The following AKAP6 variants were observed in gnomAD, a reference collection of about 807,000 sequenced individuals.
AKAP6 encodes A-kinase anchor protein 6.
In AKAP6, 58 loss-of-function variants were observed where a neutral mutation model predicts 188.5. The observed-to-expected ratio is 0.31, with a 90% confidence interval of 0.25 to 0.38. The LOEUF is 0.38. Among genes scored for constraint, AKAP6 ranks in the 10% least tolerant of loss-of-function variants. AKAP6 has a pLI of 1.00. For synonymous variants in AKAP6, 989 were observed against 998.6 expected (o/e 0.99, Z 0.18); for missense variants, 2,710 against 2,740.0 (o/e 0.99, Z 0.24).
intron 1 of AKAP6, among the ~76,000 whole-genome samples, chr14:32,409,830 C>T (rs1010747029): frequency 2.0e-5 from 3 of 152,060 alleles, no homozygotes; most frequent in African/African-American, 7.2e-5. Context: ...CAGGAGAGTC[C>T]ACTTGGTTTA....
At chr14:32,659,879 C>T (rs1291707173) in intron 7 of AKAP6, among the ~76,000 whole-genome samples, 1 of 152,052 alleles carries the variant, frequency 6.6e-6, no homozygotes, top group Non-Finnish European at 1.5e-5. Context: ...GATTTGTCTT[C>T]ATTCAGCTGT....
intron 12 of AKAP6, among the ~76,000 whole-genome samples, chr14:32,776,555 C>G (rs1217503002): frequency 2.0e-5 from 3 of 152,184 alleles, no homozygotes; most frequent in Non-Finnish European, 4.4e-5. Context: ...ACTGCTATAT[C>G]CCCCAGGGCC....
intron 1 of AKAP6, among the ~76,000 whole-genome samples, chr14:32,360,150 C>T (rs150158014): frequency 9.5e-4 from 143 of 150,306 alleles, no homozygotes; most frequent in African/African-American, 3.4e-3. Flanking sequence ...TTTTTCGAGA[C>T]AGGGGCTTGC....
chr14:32,620,645 T>C (rs1886780712), intron 7 of AKAP6, among the ~76,000 whole-genome samples: 1 of 152,018 alleles, frequency 6.6e-6, no homozygotes, highest in Admixed American at 6.6e-5. Context: ...TAAGTCCTTT[T>C]CTGGCTTTGG....
intron 12 of AKAP6, among the ~76,000 whole-genome samples, chr14:32,794,890 G>C (rs542324332): frequency 2.2e-4 from 33 of 152,012 alleles, no homozygotes; most frequent in African/African-American, 7.7e-4. Context: ...GAGACCACTA[G>C]CTAGACTAAT....
Position 32,546,106 on chromosome 14 carries a change from C to T in AKAP6, c.1453C>T (p.Leu485Phe). 6.2e-7 allele frequency: 1 copy of T among 1,614,158 alleles called. No homozygotes were observed. Among genetic ancestry groups the T allele is most frequent in the Non-Finnish European group, 8.5e-7 (1 of 1,180,022 alleles). ...IKEISSSLGRLNDCYKEKSRL... is the reference protein window; with the variant it reads ...IKEISSSLGRFNDCYKEKSRL... Reference sequence around the variant, plus strand: ...AGAAATTTCTTCCAGCCTGGGAAGGCTTAACGACTGCTATAAAGAGAAATC... The same window carrying T: ...AGAAATTTCTTCCAGCCTGGGAAGGTTTAACGACTGCTATAAAGAGAAATC... The change falls in exon 4 of 14, where the codon CTT becomes TTT. Residue 485 changes from leucine (L) to phenylalanine (F), a missense_variant. Coordinates refer to ENST00000280979, the MANE Select transcript of AKAP6 (RefSeq NM_004274.5).
chr14:32,640,536 G>A (rs971653965), intron 7 of AKAP6, among the ~76,000 whole-genome samples: 3 of 152,050 alleles, frequency 2.0e-5, no homozygotes, highest in African/African-American at 7.2e-5. Flanking sequence ...ATTGATAAAT[G>A]TCTATGTAAA....
chr14:32,426,136 G>A (rs1890024684), intron 1 of AKAP6, among the ~76,000 whole-genome samples: 1 of 152,154 alleles, frequency 6.6e-6, no homozygotes, highest in African/African-American at 2.4e-5. Context: ...CATCTGAAAT[G>A]TTACCTTCTC....
intron 8 of AKAP6, among the ~76,000 whole-genome samples, chr14:32,695,016 A>T (rs1410311627): frequency 1.3e-5 from 2 of 152,176 alleles, no homozygotes; most frequent in East Asian, 3.9e-4. Context: ...TTCATTCTGT[A>T]CTTTCATTTT....
Position 32,361,088 on chromosome 14 carries a change from G to A in AKAP6, c.-35+31680G>A, listed in dbSNP as rs910947791. Among the ~76,000 whole-genome samples, 17 of 133,404 alleles carry A rather than the reference G, an allele frequency of 1.3e-4. 1 individual carries two copies. The South Asian group carries it at 1.3e-3, about 10-fold the overall frequency. The allele number at this position is 133,404 out of a possible 152,430, so 87.5% of individuals were successfully genotyped here. On this transcript the variant is annotated intron_variant, in intron 1 of 13. Transcript: ENST00000280979. Reference sequence around the variant, plus strand: ...TATATATATTTGAGAAGCTTTGGAGGGTCATCTTAGATTGGACAGGTGGAA... The same window carrying A: ...TATATATATTTGAGAAGCTTTGGAGAGTCATCTTAGATTGGACAGGTGGAA...
In AKAP6 at chr14:32,822,394, G is replaced by A; in HGVS notation, c.4581G>A (p.Arg1527=). The A allele has an allele frequency of 1.2e-6, 2 of 1,613,932 alleles. No homozygotes were observed. Among genetic ancestry groups the A allele is most frequent in the Non-Finnish European group, 1.7e-6 (2 of 1,179,930 alleles). The part of the protein sequence containing the change: ...ELQPDVPPHE[R]ILASASHEMD... ...AACCAGATGTACCTCCCCATGAAAG[G>A]ATTTTGGCAAGTGCATCTCATGAAA... The change falls in exon 13 of 14, where the codon AGG becomes AGA. Residue 1527 remains arginine (R), a synonymous_variant. Transcript: ENST00000280979.
chr14:32,428,879 T>A (rs75592630), intron 1 of AKAP6, among the ~76,000 whole-genome samples: 5,076 of 152,096 alleles, frequency 0.033, 135 homozygotes, highest in Non-Finnish European at 0.048. Flanking sequence ...TTTTATAATT[T>A]AAAAAAAAGC....
chr14:32,765,708 T>TAAA (rs35137560), intron 11 of AKAP6, among the ~76,000 whole-genome samples: 5 of 142,766 alleles, frequency 3.5e-5, no homozygotes, highest in African/African-American at 5.2e-5. Context: ...AGCCATAACT[T>TAAA]AAAAAAAAAA....
intron 4 of AKAP6, among the ~76,000 whole-genome samples, chr14:32,569,980 G>A (rs377439514): frequency 6.6e-6 from 1 of 152,080 alleles, no homozygotes; most frequent in Non-Finnish European, 1.5e-5. Flanking sequence ...GGGTAGCTGG[G>A]TGGTGAAATT....
chr14:32,639,404 C>G (rs1887661369), intron 7 of AKAP6, among the ~76,000 whole-genome samples: 1 of 152,086 alleles, frequency 6.6e-6, no homozygotes, highest in South Asian at 2.1e-4. Context: ...CTATTTAGCA[C>G]TATTGGGGTG....
At chr14:32,818,803 A>C (rs781237637) in intron 12 of AKAP6, among the ~76,000 whole-genome samples, 49 of 152,286 alleles carry the variant, frequency 3.2e-4, no homozygotes, top group Admixed American at 6.5e-4. Flanking sequence ...CCGCTTCTCC[A>C]TGTGAGCCCC....
At chr14:32,497,481 CTT>C (rs1880379720) in intron 2 of AKAP6, among the ~76,000 whole-genome samples, 1 of 152,008 alleles carries the variant, frequency 6.6e-6, no homozygotes, top group South Asian at 2.1e-4. Context: ...TAAGTTGAAT[CTT>C]TTAAAATTTA....
chr14:32,413,557 C>G (rs552540097), intron 1 of AKAP6, among the ~76,000 whole-genome samples: 62 of 152,246 alleles, frequency 4.1e-4, no homozygotes, highest in African/African-American at 1.5e-3. Context: ...ACAAATTTCT[C>G]CCTTGCTTCC....
chr14:32,551,783 T>A (rs1195228203), intron 4 of AKAP6, among the ~76,000 whole-genome samples: 1 of 151,274 alleles, frequency 6.6e-6, no homozygotes, highest in Non-Finnish European at 1.5e-5. Context: ...CTCTGCCTTC[T>A]GAGGTAGCTG....
Sources: allele counts gnomAD v4.1 joint callset (sites outside exome capture counted in the v4.1 genomes callset), GRCh38; gene constraint gnomAD v4.1.1; transcripts MANE v1.5; gene names NCBI Gene and HGNC (gene_info 2026-07-23, HGNC 2026-07-21).